PHACTR4: variants seen among roughly 807,000 people sequenced by gnomAD.
PHACTR4 encodes protein phosphatase 1, regulatory subunit 124.
In PHACTR4, 51 loss-of-function variants were observed where a neutral mutation model predicts 72.7. The observed-to-expected ratio is 0.70, with a 90% CI of 0.56 to 0.89. The LOEUF is 0.89. PHACTR4 is among the 40% of genes least tolerant of loss of function. PHACTR4 has a pLI of 0.00. For synonymous variants in PHACTR4, 255 were observed against 302.5 expected (o/e 0.84, Z 1.63); for missense variants, 731 against 861.8 (o/e 0.85, Z 1.90).
intron 2 of PHACTR4, among the ~76,000 whole-genome samples, chr1:28,451,995 A>G (rs1443515926): frequency 6.6e-6 from 1 of 152,176 alleles, no homozygotes; most frequent in East Asian, 1.9e-4. Context: ...TTTACCTGGC[A>G]TATTTAGATC....
At chr1:28,458,986 C>A in intron 2 of PHACTR4, 99 bp from the exon 3 acceptor site, 2 of 1,111,050 alleles carry the variant, frequency 1.8e-6, no homozygotes, top group Non-Finnish European at 2.5e-6. Context: ...TTGCTCCGAT[C>A]CTTTCCAACT....
chr1:28,408,821 GTGC>G (rs1654559428), intron 2 of PHACTR4, among the ~76,000 whole-genome samples: 1 of 150,080 alleles, frequency 6.7e-6, no homozygotes. Flanking sequence ...GACTATAGGT[GTGC>G]ACCCCTATGC....
At chr1:28,483,955 C>T (rs1660459190) in intron 9 of PHACTR4, among the ~76,000 whole-genome samples, 1 of 151,944 alleles carries the variant, frequency 6.6e-6, no homozygotes, top group East Asian at 1.9e-4. Flanking sequence ...CTTTGGGAGG[C>T]CAGTGTGGAA....
chr1:28,485,377 A>G (rs2124538553), intron 9 of PHACTR4, among the ~76,000 whole-genome samples: 1 of 152,294 alleles, frequency 6.6e-6, no homozygotes, highest in Non-Finnish European at 1.5e-5. Context: ...TCACGAGGTC[A>G]GGAGGTCAAG....
At chr1:28,466,311 G>T (rs1659163659) in intron 5 of PHACTR4, 71 bp from the exon 6 acceptor site, 2 of 1,490,334 alleles carry the variant, frequency 1.3e-6, no homozygotes. Context: ...CAAATTCATA[G>T]ATGTGTTAGC....
At chr1:28,456,257 G>C (rs560206380) in intron 2 of PHACTR4, among the ~76,000 whole-genome samples, 1 of 152,256 alleles carries the variant, frequency 6.6e-6, no homozygotes, top group East Asian at 1.9e-4. Flanking sequence ...AGCATGTCAC[G>C]TGACCAGAGC....
intron 13 of PHACTR4, among the ~76,000 whole-genome samples, chr1:28,494,991 T>C (rs1310708498): frequency 3.3e-5 from 5 of 152,172 alleles, no homozygotes; most frequent in African/African-American, 1.2e-4. Context: ...ACACCAGAGA[T>C]AGTGAGAATG....
intron 12 of PHACTR4, 103 bp downstream of exon 12, chr1:28,491,890 T>A: frequency 7.7e-7 from 1 of 1,295,658 alleles, no homozygotes; most frequent in Non-Finnish European, 1.0e-6. Context: ...ACAAAACTTC[T>A]AGTTTTAATA....
intron 2 of PHACTR4, among the ~76,000 whole-genome samples, chr1:28,430,239 T>A (rs1011012475): frequency 6.6e-6 from 1 of 152,144 alleles, no homozygotes; most frequent in Non-Finnish European, 1.5e-5. Flanking sequence ...TTAGCCAGGA[T>A]GGTCTTGATC....
intron 3 of PHACTR4, among the ~76,000 whole-genome samples, chr1:28,459,519 A>G (rs1658652067): frequency 6.7e-6 from 1 of 149,570 alleles, no homozygotes; most frequent in South Asian, 2.1e-4. Flanking sequence ...CTCCTGCCTC[A>G]GCCTCCCAAG....
chr1:28,466,192 T>G (rs1659156072), intron 5 of PHACTR4, among the ~76,000 whole-genome samples, 190 bp from the exon 6 acceptor site: 1 of 152,144 alleles, frequency 6.6e-6, no homozygotes, highest in South Asian at 2.1e-4. Flanking sequence ...ACAATGAGCA[T>G]CTCTTAGTGA....
intron 5 of PHACTR4, among the ~76,000 whole-genome samples, 195 bp downstream of exon 5, chr1:28,466,044 T>C (rs900748345): frequency 6.6e-6 from 1 of 152,138 alleles, no homozygotes; most frequent in African/African-American, 2.4e-5. Context: ...AAATTTGTGA[T>C]CCTCAAGAAG....
intron 1 of PHACTR4, among the ~76,000 whole-genome samples, chr1:28,389,522 G>C (rs1354390287): frequency 6.7e-6 from 1 of 149,244 alleles, no homozygotes; most frequent in Non-Finnish European, 1.5e-5. Context: ...TCTGTTGCCA[G>C]GCTGGAGTGC....
chr1:28,466,441 C>G lies in PHACTR4; in HGVS notation c.496C>G (p.Pro166Ala), dbSNP rs202232228. 2.5e-6 allele frequency: 4 copies of G among 1,614,002 alleles called. No individual in the cohort carries two copies. The highest frequency in any genetic ancestry group is 2.5e-6 in the Non-Finnish European group (3 of 1,180,022). ...AESVPENVPK[P>A]PLLPPKRPLS... Reference sequence around the variant, plus strand: ...GTCTGTTCCTGAGAATGTACCCAAACCACCTTTACTTCCTCCCAAAAGACC... The same window carrying G: ...GTCTGTTCCTGAGAATGTACCCAAAGCACCTTTACTTCCTCCCAAAAGACC... Residue 166 changes from proline (P) to alanine (A), a missense_variant, in exon 6 of 14, where the codon CCA becomes GCA. Physicochemically the swap from Pro to Ala is conservative, Grantham distance 27. Coordinates refer to ENST00000373839, the MANE Select transcript of PHACTR4 (RefSeq NM_001048183.3).
intron 13 of PHACTR4, among the ~76,000 whole-genome samples, chr1:28,495,613 AT>A (rs1328657600): frequency 6.3e-4 from 92 of 146,482 alleles, no homozygotes; most frequent in East Asian, 3.2e-3. Flanking sequence ...TTATTTATTT[AT>A]TTTTTTTTTT....
intron 2 of PHACTR4, among the ~76,000 whole-genome samples, chr1:28,446,296 A>G (rs534494186): frequency 1.3e-5 from 2 of 152,210 alleles, no homozygotes. Flanking sequence ...GCTCCAGTGG[A>G]TTTTCTAAAT....
chr1:28,473,915 C>T lies in PHACTR4; in HGVS notation c.1185C>T (p.Pro395=), dbSNP rs1438255305. ...AGGAAGATCAGAAAAAGGAAGTCCC[C>T]AAGAGGATACTGGACCAGAACTTTG... The part of the protein sequence containing the change: ...PQQEDQKKEV[P]KRILDQNFGE... The change falls in exon 7 of 14, where the codon CCC becomes CCT. Residue 395 remains proline, a synonymous_variant. Transcript: ENST00000373839. The T allele has an allele frequency of 1.2e-5, 20 of 1,613,986 alleles. No homozygotes were observed. Among genetic ancestry groups the T allele is most frequent in the Non-Finnish European group, 1.6e-5 (19 of 1,180,010 alleles).
chr1:28,437,774 A>G (rs1322859175), intron 2 of PHACTR4, among the ~76,000 whole-genome samples: 2 of 152,134 alleles, frequency 1.3e-5, no homozygotes, highest in African/African-American at 4.8e-5. Flanking sequence ...TCACCATCAC[A>G]TTGGTCATTA....
At position 28,467,621 on chromosome 1, in the gene PHACTR4, T is replaced by C. The variant is rs189878968; in HGVS notation, c.823+853T>C. On this transcript the variant is annotated intron_variant, in intron 6 of 13. Transcript: ENST00000373839. Reference sequence around the variant, plus strand: ...GTAGATAAAAGGATGATTCTGTAGATGCCAGTGGAATTTGGGATTCAGTGT... The same window carrying C: ...GTAGATAAAAGGATGATTCTGTAGACGCCAGTGGAATTTGGGATTCAGTGT... Among the ~76,000 whole-genome samples the C allele has an allele frequency of 2.6e-5, 4 of 152,326 alleles. No individual in the cohort carries two copies. In the East Asian group the frequency reaches 5.8e-4, roughly 22 times the overall value.
Sources: allele counts gnomAD v4.1 joint callset (sites outside exome capture counted in the v4.1 genomes callset), GRCh38; gene constraint gnomAD v4.1.1; transcripts MANE v1.5; gene names NCBI Gene and HGNC (gene_info 2026-07-23, HGNC 2026-07-21).